The following FRMD5 variants were observed in gnomAD, a reference collection of about 807,000 sequenced individuals.
FRMD5 encodes the protein FERM domain containing 5, also known as FERM domain-containing protein 5.
In FRMD5, 20 loss-of-function variants were observed where a neutral mutation model predicts 69.0. The ratio of observed to expected loss-of-function variants is 0.29; its 90% CI spans 0.20 to 0.42. The LOEUF (loss-of-function observed/expected upper bound fraction) is 0.42. FRMD5 is among the 10% of genes least tolerant of loss of function. The probability of loss-of-function intolerance (pLI) is 1.00; values close to 1 mark genes in which losing one functional copy is unlikely to be tolerated. For missense variants in FRMD5, 595 were observed against 708.6 expected, an observed-to-expected ratio of 0.84 and a Z score of 1.82; for synonymous variants, 271 against 260.1, an observed-to-expected ratio of 1.04 and a Z score of -0.40.
At chr15:43,935,438 C>A (rs533757763) in intron 1 of FRMD5, among the ~76,000 whole-genome samples, 1 of 152,132 alleles carries the variant, frequency 6.6e-6, no homozygotes, top group Admixed American at 6.5e-5. Flanking sequence ...GAGCCGAGAT[C>A]GTGCCATTGC....
intron 1 of FRMD5, among the ~76,000 whole-genome samples, chr15:44,043,892 A>G (rs903843745): frequency 6.6e-6 from 1 of 152,200 alleles, no homozygotes; most frequent in Non-Finnish European, 1.5e-5. Flanking sequence ...AAAACACCAA[A>G]AACAATGGCA....
intron 1 of FRMD5, among the ~76,000 whole-genome samples, chr15:43,956,651 A>AT (rs2090120492): frequency 6.6e-6 from 1 of 152,200 alleles, no homozygotes; most frequent in East Asian, 1.9e-4. Context: ...AATTGCCTAT[A>AT]TTAGTGTTTC....
chr15:43,916,268 C>T (rs2089385553), intron 4 of FRMD5, among the ~76,000 whole-genome samples: 1 of 152,138 alleles, frequency 6.6e-6, no homozygotes, highest in African/African-American at 2.4e-5. Context: ...TGGATGACTA[C>T]CTGGGATAGC....
intron 1 of FRMD5, among the ~76,000 whole-genome samples, chr15:43,988,158 T>C (rs1220729306): frequency 1.3e-5 from 2 of 152,080 alleles, no homozygotes; most frequent in African/African-American, 2.4e-5. Context: ...GAAGCTTCTC[T>C]TGCCCCCCCA....
intron 1 of FRMD5, among the ~76,000 whole-genome samples, chr15:44,026,619 G>A (rs1891440724): frequency 6.6e-6 from 1 of 152,110 alleles, no homozygotes; most frequent in Non-Finnish European, 1.5e-5. Flanking sequence ...AGTATCCGAA[G>A]TTAGGACTAT....
At chr15:43,888,617 T>C (rs1207257131) in intron 9 of FRMD5, among the ~76,000 whole-genome samples, 192 bp downstream of exon 9, 1 of 152,218 alleles carries the variant, frequency 6.6e-6, no homozygotes, top group African/African-American at 2.4e-5. Context: ...TGGGTGTCAA[T>C]AGCATCCCTG....
At chr15:44,141,075 G>C (rs1307157897) in intron 1 of FRMD5, among the ~76,000 whole-genome samples, 7 of 151,428 alleles carry the variant, frequency 4.6e-5, no homozygotes, top group African/African-American at 1.7e-4. Flanking sequence ...GGGTAACTGT[G>C]GAAAAAATCC....
At chr15:43,944,951 A>AT (rs1555386268) in intron 1 of FRMD5, among the ~76,000 whole-genome samples, 7 of 133,860 alleles carry the variant, frequency 5.2e-5, no homozygotes, top group Admixed American at 5.0e-4. Context: ...AAGTTTATTT[A>AT]TTTATTTTTT....
chr15:44,145,642 A>G (rs2140457006), intron 1 of FRMD5, among the ~76,000 whole-genome samples: 1 of 152,340 alleles, frequency 6.6e-6, no homozygotes, highest in South Asian at 2.1e-4. Flanking sequence ...TAACCTTAGA[A>G]GTTGCTTTCA....
chr15:44,122,913 T>TA (rs2076974740), intron 1 of FRMD5, among the ~76,000 whole-genome samples: 1 of 151,618 alleles, frequency 6.6e-6, no homozygotes, highest in Non-Finnish European at 1.5e-5. Flanking sequence ...AAAAAAAAGA[T>TA]AAAACCTCTA....
chr15:44,087,360 T>C (rs1403186860), intron 1 of FRMD5, among the ~76,000 whole-genome samples: 1 of 152,146 alleles, frequency 6.6e-6, no homozygotes, highest in Non-Finnish European at 1.5e-5. Flanking sequence ...CAAAGAGCCC[T>C]ACATTATAAC....
chr15:43,989,241 CT>C, intron 1 of FRMD5: 1 of 795,280 alleles, frequency 1.3e-6, no homozygotes, highest in Non-Finnish European at 2.3e-6. Context: ...GGGTGGTGAT[CT>C]TCTGCATCCT....
chr15:43,907,454 C>T (rs745587863), intron 5 of FRMD5, among the ~76,000 whole-genome samples: 14 of 151,818 alleles, frequency 9.2e-5, no homozygotes, highest in Admixed American at 3.9e-4. Context: ...ACTGTAGCCT[C>T]GACCTCCTGG....
chr15:44,182,505 A>AT lies in FRMD5; in HGVS notation c.102+12447dup, dbSNP rs2078022948. 2.0e-5 allele frequency among the ~76,000 whole-genome samples: 3 copies of AT among 148,580 alleles called. No individual in the cohort carries two copies. In the South Asian group the frequency reaches 6.4e-4, roughly 32 times the overall value. Reference sequence around the variant, plus strand: ...CCACCATGCTTGGCTAATTTTTTGTATTTTTAGTAGAGACGAGGTTTCATC... The same window carrying AT: ...CCACCATGCTTGGCTAATTTTTTGTATTTTTTAGTAGAGACGAGGTTTCATC... On this transcript the variant is annotated intron_variant, in intron 1 of 13. Transcript: ENST00000417257.
At chr15:43,888,122 C>G (rs1009244184) in intron 10 of FRMD5, 53 bp downstream of exon 10, 2 of 1,417,174 alleles carry the variant, frequency 1.4e-6, no homozygotes, top group African/African-American at 2.8e-5. Flanking sequence ...GTCACCGACT[C>G]TCTCTGACTC....
At position 43,915,376 on chromosome 15, in the gene FRMD5, G is replaced by A. The variant is rs576497592; in HGVS notation, c.329+4083C>T. 2.6e-5 allele frequency among the ~76,000 whole-genome samples: 4 copies of A among 152,316 alleles called. No individual in the cohort carries two copies. The East Asian group carries it at 7.7e-4, about 29-fold the overall frequency. ...AGTTTGCCAATCCATCTTAGCCTAA[G>A]CTAGGCTCAAGCGATGTTCACTGAA... is the stretch of plus-strand genomic sequence containing the variant. On this transcript the variant is annotated intron_variant, in intron 4 of 13. Coordinates refer to ENST00000417257, the MANE Select transcript of FRMD5 (RefSeq NM_032892.5).
intron 1 of FRMD5, among the ~76,000 whole-genome samples, chr15:43,973,430 A>G (rs965629380): frequency 1.3e-5 from 2 of 149,888 alleles, no homozygotes; most frequent in African/African-American, 2.5e-5. Flanking sequence ...CAATGGCACG[A>G]TATCTCCGCT....
chr15:44,180,747 T>C (rs1304884706), intron 1 of FRMD5, among the ~76,000 whole-genome samples: 1 of 152,174 alleles, frequency 6.6e-6, no homozygotes, highest in Non-Finnish European at 1.5e-5. Flanking sequence ...ATCCTGCTAC[T>C]GCACTCCAGC....
At chr15:44,180,448 T>C (rs2077977930) in intron 1 of FRMD5, among the ~76,000 whole-genome samples, 1 of 152,042 alleles carries the variant, frequency 6.6e-6, no homozygotes, top group Non-Finnish European at 1.5e-5. Context: ...ATGTCAGAAA[T>C]ATTATTTTTA....
Sources: gnomAD v4.1 joint callset for allele counts (sites outside exome capture counted in the v4.1 genomes callset) on GRCh38, gnomAD v4.1.1 for gene constraint, MANE v1.5 for transcripts, NCBI Gene and HGNC (gene_info 2026-07-23, HGNC 2026-07-21) for gene names.